The following EGLN1 variants were observed in gnomAD, a reference collection of about 807,000 sequenced individuals.
EGLN1 encodes the protein egl nine homolog 1.
EGLN1 carries 17 observed loss-of-function variants against 38.3 expected under a neutral mutation model. The ratio of observed to expected loss-of-function variants is 0.44; its 90% CI spans 0.30 to 0.67. The LOEUF is 0.67. Among genes scored for constraint, EGLN1 ranks in the 30% least tolerant of loss-of-function variants. EGLN1 has a pLI of 0.08. For synonymous variants in EGLN1, 283 were observed against 257.5 expected, an observed-to-expected ratio of 1.10 and a Z score of -0.95; for missense variants, 477 against 603.3, an observed-to-expected ratio of 0.79 and a Z score of 2.19.
At chr1:231,418,908 A>G (rs1370647000) in intron 1 of EGLN1, among the ~76,000 whole-genome samples, 1 of 152,074 alleles carries the variant, frequency 6.6e-6, no homozygotes, top group East Asian at 1.9e-4. Context: ...ATTGATCCTA[A>G]TATGATGCCT....
intron 1 of EGLN1, among the ~76,000 whole-genome samples, chr1:231,399,113 G>A (rs1465472350): frequency 6.6e-6 from 1 of 152,150 alleles, no homozygotes; most frequent in African/African-American, 2.4e-5. Context: ...ATAGAGTTAG[G>A]CATCAACAGT....
chr1:231,405,769 C>T (rs1688773426), intron 1 of EGLN1, among the ~76,000 whole-genome samples: 1 of 151,994 alleles, frequency 6.6e-6, no homozygotes, highest in Non-Finnish European at 1.5e-5. Context: ...AGTAGGCACA[C>T]ATTAAAGAAA....
intron 1 of EGLN1, among the ~76,000 whole-genome samples, chr1:231,404,892 T>A (rs1056143892): frequency 3.3e-5 from 5 of 152,160 alleles, no homozygotes; most frequent in Admixed American, 6.5e-5. Context: ...AACACAACTA[T>A]CTGAAATTCA....
At chr1:231,383,789 T>C (rs1688129991) in intron 1 of EGLN1, among the ~76,000 whole-genome samples, 1 of 152,008 alleles carries the variant, frequency 6.6e-6, no homozygotes, top group Admixed American at 6.6e-5. Flanking sequence ...GGTTACTTCC[T>C]AAATTATGAT....
At chr1:231,367,922 G>C (rs1329639369) in intron 3 of EGLN1, among the ~76,000 whole-genome samples, 1 of 152,280 alleles carries the variant, frequency 6.6e-6, no homozygotes, top group Non-Finnish European at 1.5e-5. Flanking sequence ...AGTGGCTCAC[G>C]CCTGTAATCC....
intron 1 of EGLN1, among the ~76,000 whole-genome samples, chr1:231,418,487 T>C (rs533900332): frequency 2.6e-5 from 4 of 152,292 alleles, no homozygotes; most frequent in East Asian, 3.9e-4. Flanking sequence ...GCCAGGGTTA[T>C]AGTAAGTGGT....
At chr1:231,374,281 T>C (rs982656322) in intron 1 of EGLN1, among the ~76,000 whole-genome samples, 182 bp from the exon 2 acceptor site, 3 of 152,310 alleles carry the variant, frequency 2.0e-5, no homozygotes, top group South Asian at 2.1e-4. Context: ...ACAAGATAGG[T>C]TGATGAACAA....
intron 1 of EGLN1, among the ~76,000 whole-genome samples, chr1:231,396,065 T>C (rs1688520747): frequency 6.6e-6 from 1 of 151,998 alleles, no homozygotes; most frequent in East Asian, 1.9e-4. Flanking sequence ...AATAAATGTC[T>C]TTTAGTTCCA....
intron 1 of EGLN1, among the ~76,000 whole-genome samples, chr1:231,403,950 A>T (rs957294116): frequency 6.6e-6 from 1 of 151,846 alleles, no homozygotes; most frequent in Non-Finnish European, 1.5e-5. Flanking sequence ...TAAGAAAAAC[A>T]TAGGTATGAA....
intron 1 of EGLN1, among the ~76,000 whole-genome samples, chr1:231,391,472 CT>C (rs1553353187): frequency 2.9e-5 from 1 of 34,664 alleles, no homozygotes; most frequent in South Asian, 1.1e-3. Flanking sequence ...GCACTGCTTC[CT>C]TTATGACGAC....
intron 1 of EGLN1, among the ~76,000 whole-genome samples, chr1:231,393,413 G>A (rs1464060970): frequency 1.3e-5 from 2 of 152,174 alleles, no homozygotes; most frequent in South Asian, 4.1e-4. Flanking sequence ...ATTTGGAATC[G>A]GAGAGATCTA....
At chr1:231,390,872 G>C (rs1660732591) in intron 1 of EGLN1, among the ~76,000 whole-genome samples, 1 of 150,220 alleles carries the variant, frequency 6.7e-6, no homozygotes, top group South Asian at 2.1e-4. Context: ...TTTTTTAAGA[G>C]ACAAGGTCTC....
chr1:231,367,462 G>T, intron 4 of EGLN1, 107 bp downstream of exon 4: 1 of 1,124,198 alleles, frequency 8.9e-7, no homozygotes, highest in Non-Finnish European at 1.3e-6. Flanking sequence ...AAAACAAAAA[G>T]TAAGTATTCA....
chr1:231,401,308 C>G (rs1020255755), intron 1 of EGLN1, among the ~76,000 whole-genome samples: 1 of 152,166 alleles, frequency 6.6e-6, no homozygotes, highest in African/African-American at 2.4e-5. Context: ...TAATGACCTG[C>G]ACCTCATATG....
chr1:231,412,630 T>C (rs1245887936), intron 1 of EGLN1, among the ~76,000 whole-genome samples: 2 of 152,208 alleles, frequency 1.3e-5, no homozygotes, highest in Non-Finnish European at 2.9e-5. Flanking sequence ...ACAAGCATAC[T>C]GCACAGAGAA....
At chr1:231,409,002 A>T (rs997138984) in intron 1 of EGLN1, among the ~76,000 whole-genome samples, 1 of 149,042 alleles carries the variant, frequency 6.7e-6, no homozygotes, top group Non-Finnish European at 1.5e-5. Flanking sequence ...AATGAACTAG[A>T]AAGATACAAA....
chr1:231,387,558 GC>G (rs1688254069), intron 1 of EGLN1, among the ~76,000 whole-genome samples: 1 of 151,450 alleles, frequency 6.6e-6, no homozygotes, highest in African/African-American at 2.4e-5. Context: ...ACGGGGTTTC[GC>G]CGTGTTAGCC....
At chr1:231,367,743 C>T in intron 3 of EGLN1, 107 bp from the exon 4 acceptor site, 2 of 910,052 alleles carry the variant, frequency 2.2e-6, no homozygotes, top group South Asian at 2.7e-5. Flanking sequence ...TATGCCTAAA[C>T]TGGAATGATA....
chr1:231,377,401 A>G lies in EGLN1; in HGVS notation c.892-3302T>C. 1.3e-5 allele frequency among the ~76,000 whole-genome samples: 2 copies of G among 152,254 alleles called. 1 individual carries two copies. The highest frequency in any genetic ancestry group is 1.3e-4 in the Admixed American group (2 of 15,286). Reference sequence around the variant, plus strand: ...TATTAAAGTTTCCGGGCAAGAAACCAAAGAGGCTGAGCCCAGAGTAGCAAA... The same window carrying G: ...TATTAAAGTTTCCGGGCAAGAAACCGAAGAGGCTGAGCCCAGAGTAGCAAA... On this transcript the variant is annotated intron_variant, in intron 1 of 4. Transcript: ENST00000366641.
Sources: allele counts gnomAD v4.1 joint callset (sites outside exome capture counted in the v4.1 genomes callset), GRCh38; gene constraint gnomAD v4.1.1; transcripts MANE v1.5; gene names NCBI Gene and HGNC (gene_info 2026-07-23, HGNC 2026-07-21).